MYB: variants seen among roughly 807,000 people sequenced by gnomAD.
The protein encoded by MYB is transcriptional activator Myb.
Under a neutral mutation model 92.9 loss-of-function variants are expected in MYB, and 28 were observed. The ratio of observed to expected loss-of-function variants is 0.30; its 90% CI spans 0.22 to 0.41. MYB has a LOEUF of 0.41. MYB is among the 10% of genes least tolerant of loss of function. MYB has a pLI of 1.00. For synonymous variants in MYB, 295 were observed against 329.1 expected (o/e 0.90, Z 1.12); for missense variants, 679 against 929.3 (o/e 0.73, Z 3.50).
At chr6:135,193,991 A>G in intron 7 of MYB, 73 bp downstream of exon 7, 1 of 1,225,130 alleles carries the variant, frequency 8.2e-7, no homozygotes, top group Non-Finnish European at 1.2e-6. Context: ...CTAAACACAT[A>G]TTTTTACCTG....
At chr6:135,187,769 C>T in intron 2 of MYB, 65 bp from the exon 3 acceptor site, 1 of 1,114,952 alleles carries the variant, frequency 9.0e-7, no homozygotes, top group Admixed American at 2.1e-5. Context: ...CCCTCATTCA[C>T]TTTAACTTGA....
chr6:135,197,131 G>A lies in MYB; in HGVS notation c.1374G>A (p.Glu458=). The change falls in exon 10 of 16, where the codon GAG becomes GAA. Residue 458 remains glutamate (E), a synonymous_variant. Coordinates refer to ENST00000341911, the MANE Select transcript of MYB (RefSeq NM_001130173.2). ...GGGTGAACAAACGTATGTTGAGTGA[G>A]AGTTCACTTGACCCACCCAAGGTCT... The part of the protein sequence containing the change: ...SPRVNKRMLS[E]SSLDPPKVLP... 6.2e-7 allele frequency: 1 copy of A among 1,614,006 alleles called. No individual in the cohort carries two copies. Among genetic ancestry groups the A allele is most frequent in the Non-Finnish European group, 8.5e-7 (1 of 1,179,896 alleles).
chr6:135,197,608 C>T (rs1211059946), intron 10 of MYB, among the ~76,000 whole-genome samples: 4 of 152,184 alleles, frequency 2.6e-5, no homozygotes, highest in Non-Finnish European at 4.4e-5. Flanking sequence ...TAGAGTTTAA[C>T]ATTTCTGTCC....
intron 15 of MYB, among the ~76,000 whole-genome samples, chr6:135,217,471 C>T (rs770302933): frequency 4.6e-5 from 7 of 152,112 alleles, no homozygotes; most frequent in Non-Finnish European, 7.4e-5. Flanking sequence ...AATTCCAGTG[C>T]GTGCATGAGC....
intron 8 of MYB, 116 bp from the exon 9 acceptor site, chr6:135,195,632 C>A: frequency 8.5e-7 from 1 of 1,178,880 alleles, no homozygotes; most frequent in Non-Finnish European, 1.2e-6. Context: ...TGGGATGATG[C>A]AACTACTCTT....
intron 13 of MYB, 34 bp from the exon 14 acceptor site, chr6:135,201,605 T>G: frequency 6.8e-7 from 1 of 1,464,520 alleles, no homozygotes; most frequent in Non-Finnish European, 9.5e-7. Flanking sequence ...TAGGAAGTTC[T>G]AGAAACAACA....
At chr6:135,205,680 A>G (rs1265822438) in intron 15 of MYB, among the ~76,000 whole-genome samples, 1 of 152,190 alleles carries the variant, frequency 6.6e-6, no homozygotes, top group African/African-American at 2.4e-5. Context: ...AATTCTATCA[A>G]ACTGAATAAT....
In MYB at chr6:135,190,449, G is replaced by GT. The variant is rs1161753261; in HGVS notation, c.527+103dup. On this transcript the variant is annotated intron_variant, in intron 5 of 15. Transcript: ENST00000341911. This position sits in a 1 kb window ranked among gnomAD's most constrained non-coding sequence, Gnocchi z 4.5. ...GTGAGTAAATTATATTTCATCAGTC[G>GT]TAAGTGTTTTATTAGATAAACCAGC... is the stretch of plus-strand genomic sequence containing the variant. 5 of 905,352 alleles carry GT rather than the reference G, an allele frequency of 5.5e-6. No individual in the cohort carries two copies. In the African/African-American group the frequency reaches 6.7e-5, roughly 12 times the overall value. The allele number at this position is 905,352 out of a possible 1,614,324, so 56.1% of individuals were successfully genotyped here.
chr6:135,200,257 C>G (rs1391157634), intron 12 of MYB, 33 bp from the exon 13 acceptor site: 2 of 1,613,870 alleles, frequency 1.2e-6, no homozygotes, highest in East Asian at 2.2e-5. Flanking sequence ...TAGGAGTTCT[C>G]TCTGATGCAA....
chr6:135,203,682 T>C, intron 15 of MYB: 1 of 1,427,656 alleles, frequency 7.0e-7, no homozygotes, highest in Non-Finnish European at 9.3e-7. Context: ...TACTTTATGT[T>C]CCAAATTTTT....
At chr6:135,204,592 C>T (rs747467678) in intron 15 of MYB, among the ~76,000 whole-genome samples, 22 of 152,152 alleles carry the variant, frequency 1.4e-4, no homozygotes, top group African/African-American at 5.1e-4. Flanking sequence ...TGTGAGCTAC[C>T]GCACCTAGCC....
At chr6:135,193,554 T>C (rs755073359) in intron 6 of MYB, among the ~76,000 whole-genome samples, 79 of 152,180 alleles carry the variant, frequency 5.2e-4, no homozygotes, top group Non-Finnish European at 9.1e-4. Context: ...ATATTTTTTA[T>C]TGTTTTTTTC....
At chr6:135,215,843 C>A (rs1780358358) in intron 15 of MYB, among the ~76,000 whole-genome samples, 1 of 152,160 alleles carries the variant, frequency 6.6e-6, no homozygotes, top group African/African-American at 2.4e-5. Flanking sequence ...TTCCCATGGA[C>A]AACACCACAA....
intron 8 of MYB, chr6:135,194,881 T>A (rs1254049561): frequency 8.5e-7 from 1 of 1,180,650 alleles, no homozygotes; most frequent in African/African-American, 1.6e-5. Flanking sequence ...GCATGTTCAG[T>A]ATATACATGT....
Position 135,190,449 on chromosome 6 carries a change from G to T in MYB, c.527+102G>T, listed in dbSNP as rs1022506. Reference sequence around the variant, plus strand: ...GTGAGTAAATTATATTTCATCAGTCGTAAGTGTTTTATTAGATAAACCAGC... The same window carrying T: ...GTGAGTAAATTATATTTCATCAGTCTTAAGTGTTTTATTAGATAAACCAGC... On this transcript the variant is annotated intron_variant, in intron 5 of 15. Coordinates refer to ENST00000341911, the MANE Select transcript of MYB (RefSeq NM_001130173.2). The surrounding 1 kb of genome is among the most constrained non-coding windows in gnomAD (Gnocchi z 4.5). The T allele has an allele frequency of 1.1e-6, 1 of 905,434 alleles. No individual in the cohort carries two copies. Among genetic ancestry groups the T allele is most frequent in the Non-Finnish European group, 1.7e-6 (1 of 589,528 alleles). 56.1% of individuals were successfully genotyped at this position (905,434 alleles called of 1,614,324 possible).
intron 5 of MYB, among the ~76,000 whole-genome samples, chr6:135,191,183 C>T (rs1422920947): frequency 6.6e-6 from 1 of 152,126 alleles, no homozygotes; most frequent in Non-Finnish European, 1.5e-5. Flanking sequence ...ATACTACTTC[C>T]AGGTTTTTAA....
intron 1 of MYB, 128 bp from the exon 2 acceptor site, chr6:135,185,775 A>G (rs963519395): frequency 1.6e-5 from 12 of 764,550 alleles, no homozygotes; most frequent in Non-Finnish European, 2.4e-5. Flanking sequence ...CTTGTTGTGC[A>G]AGTTTTCAAA....
chr6:135,200,084 G>A lies in MYB; in HGVS notation c.1710-1G>A, dbSNP rs1433249039. 6.2e-7 allele frequency: 1 copy of A among 1,612,562 alleles called. No homozygotes were observed. The highest frequency in any genetic ancestry group is 8.5e-7 in the Non-Finnish European group (1 of 1,178,652). ...AGCCACTGCTTGTTTTCTTTTTAAAGTTTTAGAACCCCAGCTATCAAAAGG... is the reference window on the plus strand; with the variant it reads ...AGCCACTGCTTGTTTTCTTTTTAAAATTTTAGAACCCCAGCTATCAAAAGG... On this transcript the variant is annotated splice_acceptor_variant, in intron 11 of 15. Coordinates refer to ENST00000341911, the MANE Select transcript of MYB (RefSeq NM_001130173.2). LOFTEE classifies it high-confidence loss of function.
At position 135,195,946 on chromosome 6, in the gene MYB, C is replaced by T. The variant is rs1396062247; in HGVS notation, c.1147C>T (p.Leu383=). Residue 383 remains leucine (L), a synonymous_variant, in exon 9 of 16, where the codon CTG becomes TTG. Coordinates refer to ENST00000341911, the MANE Select transcript of MYB (RefSeq NM_001130173.2). ...RCMIVHQGTI[L]DNVKNLLEFA... Reference sequence around the variant, plus strand: ...CATGATCGTCCACCAGGGCACCATTCTGGATAATGTTAAGAACCTCTTAGA... The same window carrying T: ...CATGATCGTCCACCAGGGCACCATTTTGGATAATGTTAAGAACCTCTTAGA... 6.2e-7 allele frequency: 1 copy of T among 1,614,028 alleles called. No homozygotes were observed. Among genetic ancestry groups the T allele is most frequent in the Non-Finnish European group, 8.5e-7 (1 of 1,180,000 alleles).
Sources: gnomAD v4.1 joint callset for allele counts (sites outside exome capture counted in the v4.1 genomes callset) on GRCh38, gnomAD v4.1.1 for gene constraint, Gnocchi (gnomAD v3.1) non-coding constraint, MANE v1.5 for transcripts, NCBI Gene and HGNC (gene_info 2026-07-23, HGNC 2026-07-21) for gene names.